PDGFRL: variants seen among roughly 807,000 people sequenced by gnomAD.
PDGFRL encodes platelet derived growth factor receptor like, also known as platelet-derived growth factor receptor-like protein.
Under a neutral mutation model 37.2 loss-of-function variants are expected in PDGFRL, and 46 were observed. The observed-to-expected ratio is 1.24, with a 90% CI of 0.98 to 1.58. PDGFRL has a LOEUF of 1.58. Among genes scored for constraint, PDGFRL ranks in the 40% most tolerant of loss-of-function variants. The pLI is 0.00. For synonymous variants in PDGFRL, 251 were observed against 184.3 expected, an observed-to-expected ratio of 1.36 and a Z score of -2.93; for missense variants, 692 against 467.6, an observed-to-expected ratio of 1.48 and a Z score of -4.43.
intron 2 of PDGFRL, among the ~76,000 whole-genome samples, chr8:17,618,739 T>C (rs1016675873): frequency 7.2e-5 from 11 of 152,174 alleles, no homozygotes; most frequent in Non-Finnish European, 1.3e-4. Flanking sequence ...AGGGAGTCCT[T>C]ACTGCATACT....
At chr8:17,596,394 T>G (rs1804053429) in intron 2 of PDGFRL, 2 of 943,698 alleles carry the variant, frequency 2.1e-6, no homozygotes, top group Non-Finnish European at 2.8e-6. Flanking sequence ...CCACGTACAT[T>G]TTAAACGACC....
intron 5 of PDGFRL, among the ~76,000 whole-genome samples, chr8:17,637,500 T>C (rs1743575463): frequency 6.6e-6 from 1 of 152,220 alleles, no homozygotes; most frequent in Non-Finnish European, 1.5e-5. Flanking sequence ...TTTGCATCTA[T>C]ATTCATCAAA....
rs765913663 is a variant in PDGFRL, at chr8:17,589,761, C to G, written c.349C>G (p.Leu117Val). 3.8e-6 allele frequency: 6 copies of G among 1,585,204 alleles called. No individual in the cohort carries two copies. The highest frequency in any genetic ancestry group is 5.2e-6 in the Non-Finnish European group (6 of 1,162,544). ...AYLDTFKDSR[L>V]SVKQNERYGQ... ...TCTGGACACCTTTAAGGATTCTCGC[C>G]TCAGGTAAGCATTTTTTTTTAAAAC... The change falls in exon 2 of 6, where the codon CTC becomes GTC. Residue 117 changes from leucine (L) to valine (V), a missense_variant. Leu to Val is a conservative substitution (Grantham distance 32). Transcript: ENST00000251630.
At chr8:17,633,538 G>C (rs1293914065) in intron 4 of PDGFRL, among the ~76,000 whole-genome samples, 1 of 152,168 alleles carries the variant, frequency 6.6e-6, no homozygotes, top group Admixed American at 6.5e-5. Context: ...TAAATAGACA[G>C]CTTGTTGAGT....
chr8:17,601,491 AGC>A (rs1804165342), intron 2 of PDGFRL, among the ~76,000 whole-genome samples: 1 of 148,698 alleles, frequency 6.7e-6, no homozygotes, highest in Non-Finnish European at 1.5e-5. Context: ...TTTTAGGTTG[AGC>A]GTGTATATGT....
intron 2 of PDGFRL, among the ~76,000 whole-genome samples, chr8:17,608,798 G>A (rs1054117466): frequency 3.9e-5 from 6 of 152,196 alleles, no homozygotes. Context: ...AGTGTGGAGC[G>A]GCTGATAGGA....
Position 17,642,754 on chromosome 8 carries a change from A to G in PDGFRL, c.1081A>G (p.Asn361Asp). The change falls in exon 6 of 6, where the codon AAT becomes GAT. Residue 361 changes from asparagine (N) to aspartate (D), a missense_variant. Transcript: ENST00000251630. ...AGGATATTACATTTGCACTGCTCAGAATCTTCAAGGACAGACCACAGTAGC... is the reference window on the plus strand; with the variant it reads ...AGGATATTACATTTGCACTGCTCAGGATCTTCAAGGACAGACCACAGTAGC... ...DAGYYICTAQ[N>D]LQGQTTVATT... 1 of 1,611,582 alleles carries G rather than the reference A, an allele frequency of 6.2e-7. No individual in the cohort carries two copies. Among genetic ancestry groups the G allele is most frequent in the Non-Finnish European group, 8.5e-7 (1 of 1,177,638 alleles).
At chr8:17,632,177 C>G (rs1804875730) in intron 4 of PDGFRL, among the ~76,000 whole-genome samples, 1 of 152,184 alleles carries the variant, frequency 6.6e-6, no homozygotes, top group Non-Finnish European at 1.5e-5. Flanking sequence ...CCGATCCTTT[C>G]TACTTTTTTC....
In PDGFRL at chr8:17,605,382, C is replaced by G. The variant is rs532269716; in HGVS notation, c.353+15617C>G. 7.2e-5 allele frequency among the ~76,000 whole-genome samples: 11 copies of G among 152,188 alleles called. No individual in the cohort carries two copies. The East Asian group carries it at 1.2e-3, about 16-fold the overall frequency. ...CAATAATTTTTTAAATTTTTTCTTG[C>G]ATTTTGTTGATAATATTAAAAACTT... On this transcript the variant is annotated intron_variant, in intron 2 of 5. Coordinates refer to ENST00000251630, the MANE Select transcript of PDGFRL (RefSeq NM_001372073.1).
At chr8:17,625,963 C>G (rs1305915656) in intron 3 of PDGFRL, among the ~76,000 whole-genome samples, 1 of 152,198 alleles carries the variant, frequency 6.6e-6, no homozygotes, top group East Asian at 1.9e-4. Flanking sequence ...CCACTGCACT[C>G]CAGCCTGGGC....
chr8:17,602,676 T>C (rs1329897462), intron 2 of PDGFRL, among the ~76,000 whole-genome samples: 1 of 152,144 alleles, frequency 6.6e-6, no homozygotes, highest in Non-Finnish European at 1.5e-5. Flanking sequence ...ACTGGGCTAT[T>C]TGGAAAGGAG....
chr8:17,581,900 G>C (rs34645232), intron 1 of PDGFRL, among the ~76,000 whole-genome samples: 35,453 of 152,084 alleles, frequency 0.23, 4,480 homozygotes, highest in Middle Eastern at 0.4. Flanking sequence ...CCAAGGAGTG[G>C]GATATTGCTA....
chr8:17,588,105 A>C lies in PDGFRL; in HGVS notation c.56-1363A>C, dbSNP rs1313812326. 3.3e-5 allele frequency among the ~76,000 whole-genome samples: 5 copies of C among 152,188 alleles called. No homozygotes were observed. In the East Asian group the frequency reaches 9.6e-4, roughly 29 times the overall value. On this transcript the variant is annotated intron_variant, in intron 1 of 5. Transcript: ENST00000251630. ...AGAAGGCAAAAATGACAACAAAAGCAACTTAAAGTCAGTTAGCTTTTTATT... is the reference window on the plus strand; with the variant it reads ...AGAAGGCAAAAATGACAACAAAAGCCACTTAAAGTCAGTTAGCTTTTTATT...
chr8:17,604,218 A>G (rs1258606109), intron 2 of PDGFRL, among the ~76,000 whole-genome samples: 1 of 152,196 alleles, frequency 6.6e-6, no homozygotes, highest in Non-Finnish European at 1.5e-5. Context: ...CATTTGACCC[A>G]GCCATCCCAT....
At chr8:17,585,923 T>A (rs1316350339) in intron 1 of PDGFRL, among the ~76,000 whole-genome samples, 1 of 151,970 alleles carries the variant, frequency 6.6e-6, no homozygotes, top group Non-Finnish European at 1.5e-5. Flanking sequence ...GTTTATTTAT[T>A]TTGGATATAA....
intron 4 of PDGFRL, among the ~76,000 whole-genome samples, chr8:17,631,600 C>T (rs934271257): frequency 2.6e-5 from 4 of 152,156 alleles, no homozygotes; most frequent in Non-Finnish European, 4.4e-5. Flanking sequence ...CCATGTCCCT[C>T]TCCACTTCCT....
At chr8:17,588,868 G>T (rs1447106625) in intron 1 of PDGFRL, among the ~76,000 whole-genome samples, 2 of 152,006 alleles carry the variant, frequency 1.3e-5, no homozygotes. Context: ...ACTATGAGAC[G>T]GTGTGAACTA....
chr8:17,595,181 C>T (rs1804025801), intron 2 of PDGFRL, among the ~76,000 whole-genome samples: 2 of 152,176 alleles, frequency 1.3e-5, no homozygotes, highest in South Asian at 4.1e-4. Context: ...CATTAAGGGA[C>T]TGCAGCCACC....
At chr8:17,612,870 CT>C (rs1263866886) in intron 2 of PDGFRL, among the ~76,000 whole-genome samples, 12 of 152,152 alleles carry the variant, frequency 7.9e-5, no homozygotes, top group South Asian at 6.2e-4. Context: ...AACTTTCCCC[CT>C]AATCTGTTGT....
Sources: gnomAD v4.1 joint callset for allele counts (sites outside exome capture counted in the v4.1 genomes callset) on GRCh38, gnomAD v4.1.1 for gene constraint, MANE v1.5 for transcripts, NCBI Gene and HGNC (gene_info 2026-07-23, HGNC 2026-07-21) for gene names.